AGR3: variants seen among roughly 807,000 people sequenced by gnomAD.
AGR3 encodes the protein anterior gradient 3, protein disulphide isomerase family member, also known as anterior gradient protein 3.
A neutral mutation model predicts 24.5 loss-of-function variants in AGR3; 37 were observed. That is an observed-to-expected ratio of 1.51 (90% CI 1.16 to 1.99). AGR3 has a LOEUF of 1.99. Ranked by LOEUF, AGR3 falls within the 30% of genes most tolerant of loss-of-function variation. The pLI is 0.00. For synonymous variants in AGR3, 75 were observed against 61.6 expected (o/e 1.22, Z -1.02); for missense variants, 228 against 191.1 (o/e 1.19, Z -1.14).
intron 3 of AGR3, chr7:16,864,850 C>A: frequency 2.3e-6 from 2 of 866,342 alleles, no homozygotes; most frequent in Admixed American, 1.7e-5. Context: ...GAGTAAAGAG[C>A]GTGTATTCCA....
downstream of AGR3, among the ~76,000 whole-genome samples, chr7:16,855,574 G>C (rs1781546196): frequency 6.6e-6 from 1 of 152,186 alleles, no homozygotes. Context: ...GGGCATGGGT[G>C]TGTGAAAGAG....
chr7:16,880,052 C>T (rs1782074530), intron 1 of AGR3, among the ~76,000 whole-genome samples: 1 of 130,956 alleles, frequency 7.6e-6, no homozygotes, highest in Non-Finnish European at 1.6e-5. Context: ...CTCCCTCCTT[C>T]CCTTCCCCTT....
downstream of AGR3, among the ~76,000 whole-genome samples, chr7:16,859,194 T>C (rs537808619): frequency 6.6e-6 from 1 of 151,720 alleles, no homozygotes; most frequent in Non-Finnish European, 1.5e-5. Context: ...GCCCAGGAGT[T>C]TGAGACCAGC....
rs373461616 is a variant in AGR3 at position 16,861,451 on chromosome 7, G to A, written c.304-4C>T. 392 of 1,604,232 alleles carry A rather than the reference G, an allele frequency of 2.4e-4. No individual in the cohort carries two copies. Among genetic ancestry groups the A allele is most frequent in the Non-Finnish European group, 3.3e-4 (384 of 1,175,366 alleles). ...AATTCTTATCAGTGGTTTCATGCTA[G>A]CAGGAGAAGAAAAAAAAAGAATGTT... On this transcript the variant is annotated splice_region_variant and splice_polypyrimidine_tract_variant and intron_variant, in intron 5 of 7. Transcript: ENST00000310398.
rs1201548294 is a variant in AGR3, at chr7:16,861,217, C to T, written c.367+167G>A. 2.6e-5 allele frequency among the ~76,000 whole-genome samples: 4 copies of T among 152,094 alleles called. No homozygotes were observed. The East Asian group carries it at 7.7e-4, about 29-fold the overall frequency. ...AAAAATATTTAAAATTTTCAAATTA[C>T]AGATATAGTGGATTTTGATTGTAGA... is the stretch of plus-strand genomic sequence containing the variant. On this transcript the variant is annotated intron_variant, in intron 6 of 7. Transcript: ENST00000310398.
intron 1 of AGR3, 83 bp from the exon 2 acceptor site, chr7:16,878,728 T>A: frequency 1.0e-6 from 1 of 990,562 alleles, no homozygotes; most frequent in Non-Finnish European, 1.5e-6. Context: ...GTTGGACCAA[T>A]ACTGTGATGA....
At chr7:16,857,772 A>C (rs1030435375), downstream of AGR3, among the ~76,000 whole-genome samples, 1 of 152,188 alleles carries the variant, frequency 6.6e-6, no homozygotes, top group African/African-American at 2.4e-5. Flanking sequence ...ATTTACTACA[A>C]GCTTGCTTAA....
intron 2 of AGR3, among the ~76,000 whole-genome samples, chr7:16,877,876 AAGAG>A (rs1554282183): frequency 6.8e-6 from 1 of 146,940 alleles, no homozygotes; most frequent in East Asian, 2.1e-4. Context: ...AAAAAAAAAA[AAGAG>A]AGAATTTTTT....
chr7:16,871,232 T>G (rs1781857953), intron 3 of AGR3, among the ~76,000 whole-genome samples: 1 of 152,218 alleles, frequency 6.6e-6, no homozygotes, highest in Non-Finnish European at 1.5e-5. Flanking sequence ...TAATACTGCT[T>G]TGTTTATACA....
downstream of AGR3, among the ~76,000 whole-genome samples, chr7:16,854,757 T>C (rs537690563): frequency 2.2e-3 from 339 of 152,292 alleles, no homozygotes; most frequent in Middle Eastern, 3.4e-3. Flanking sequence ...CAGGGTTGGT[T>C]CCTTCCGAGG....
intron 3 of AGR3, among the ~76,000 whole-genome samples, chr7:16,871,711 A>G (rs181712256): frequency 1.3e-5 from 2 of 152,168 alleles, no homozygotes; most frequent in African/African-American, 2.4e-5. Flanking sequence ...GCATGGTGGC[A>G]TGTGCCTATA....
intron 2 of AGR3, among the ~76,000 whole-genome samples, chr7:16,876,913 G>C (rs1347764763): frequency 1.3e-5 from 2 of 152,046 alleles, no homozygotes; most frequent in African/African-American, 2.4e-5. Flanking sequence ...AATCTTTAAG[G>C]GCAATAACTA....
At chr7:16,873,206 T>A (rs1781918191) in intron 3 of AGR3, among the ~76,000 whole-genome samples, 1 of 152,142 alleles carries the variant, frequency 6.6e-6, no homozygotes, top group Admixed American at 6.5e-5. Flanking sequence ...TGTCCATCAA[T>A]GGATGGATGG....
At chr7:16,880,311 C>T (rs1782085499) in intron 1 of AGR3, among the ~76,000 whole-genome samples, 1 of 151,798 alleles carries the variant, frequency 6.6e-6, no homozygotes, top group Admixed American at 6.6e-5. Context: ...CAGGTGTCCA[C>T]CATCATGCCC....
chr7:16,878,239 T>G (rs776844505), intron 2 of AGR3, among the ~76,000 whole-genome samples: 1 of 152,184 alleles, frequency 6.6e-6, no homozygotes. Context: ...TCTAGGACTC[T>G]GGTTACCAAA....
intron 1 of AGR3, among the ~76,000 whole-genome samples, chr7:16,878,975 A>G (rs542450709): frequency 2.0e-5 from 3 of 152,068 alleles, no homozygotes; most frequent in Non-Finnish European, 4.4e-5. Context: ...CTCAAATAAG[A>G]TCATGTTGTT....
intron 3 of AGR3, chr7:16,865,577 C>T: frequency 2.8e-6 from 2 of 715,670 alleles, no homozygotes; most frequent in Non-Finnish European, 5.2e-6. Flanking sequence ...TCACATACTT[C>T]CTTAGAACTT....
At chr7:16,859,939 T>C (rs886990683) in intron 7 of AGR3, among the ~76,000 whole-genome samples, 4 of 151,974 alleles carry the variant, frequency 2.6e-5, no homozygotes, top group Admixed American at 2.6e-4. Context: ...TCTTATTAAA[T>C]ATAGTTGATA....
At chr7:16,856,030 C>T (rs1278283356), downstream of AGR3, among the ~76,000 whole-genome samples, 1 of 152,126 alleles carries the variant, frequency 6.6e-6, no homozygotes, top group Non-Finnish European at 1.5e-5. Flanking sequence ...GGTACTGCAT[C>T]TTGTGTAAAG....
Sources: gnomAD v4.1 joint callset for allele counts (sites outside exome capture counted in the v4.1 genomes callset) on GRCh38, gnomAD v4.1.1 for gene constraint, MANE v1.5 for transcripts, NCBI Gene and HGNC (gene_info 2026-07-23, HGNC 2026-07-21) for gene names.